Variants in CRACD observed in about 807,000 individuals in gnomAD.
The protein encoded by CRACD is capping protein-inhibiting regulator of actin dynamics.
In CRACD, 56 loss-of-function variants were observed where a neutral mutation model predicts 106.8. The ratio of observed to expected loss-of-function variants is 0.52; its 90% CI spans 0.42 to 0.66. The LOEUF is 0.66. Ranked by LOEUF, CRACD falls within the 30% of genes least tolerant of loss-of-function variation. The pLI is 0.00. For synonymous variants in CRACD, 754 were observed against 670.8 expected, an observed-to-expected ratio of 1.12 and a Z score of -1.92; for missense variants, 1,730 against 1,623.2, an observed-to-expected ratio of 1.07 and a Z score of -1.13.
chr4:56,215,264 T>C (rs960952498), intron 2 of CRACD, among the ~76,000 whole-genome samples: 46 of 152,118 alleles, frequency 3.0e-4, no homozygotes, highest in Non-Finnish European at 1.5e-4. Context: ...CAAGTGATCC[T>C]CTCACCTCAG....
Position 56,315,825 on chromosome 4 carries a change from A to G in CRACD, c.2323A>G (p.Lys775Glu). Residue 775 changes from lysine (K) to glutamate (E), a missense_variant, in exon 8 of 11, where the codon AAG (lysine) becomes GAG (glutamate). This residue lies in a region of CRACD where 1,620 missense variants were observed against 1,481.6 expected (regional missense o/e 1.09). Transcript: ENST00000682029. This position sits in a 1 kb window ranked among gnomAD's most constrained non-coding sequence, Gnocchi z 4.1. The stretch of plus-strand genomic sequence containing the variant: ...TCGCGAGCTCGGGAAGGGTCCGGAG[A>G]AGTCGGAGATGCACCGGGAGCCCGC... ...GVRELGKGPE[K>E]SEMHREPADT... The G allele has an allele frequency of 6.2e-7, 1 of 1,614,122 alleles. No homozygotes were observed. Among genetic ancestry groups the G allele is most frequent in the Non-Finnish European group, 8.5e-7 (1 of 1,180,004 alleles).
intron 1 of CRACD, among the ~76,000 whole-genome samples, chr4:56,080,055 T>C (rs1732971456): frequency 6.6e-6 from 1 of 152,174 alleles, no homozygotes; most frequent in Non-Finnish European, 1.5e-5. Context: ...TTAAAAGAAA[T>C]GGCGGTGGCA....
chr4:56,049,141 A>G lies in CRACD; in HGVS notation c.-494A>G, dbSNP rs1731775255. On this transcript the variant is annotated 5_prime_UTR_variant, in exon 1 of 11. Coordinates refer to ENST00000682029, the MANE Select transcript of CRACD (RefSeq NM_001393381.1). Reference sequence around the variant, plus strand: ...GGCAGTGGGGAGAGCAATGGAGGCCACGGCCGACTGAGAGGCGGGTGCGCT... The same window carrying G: ...GGCAGTGGGGAGAGCAATGGAGGCCGCGGCCGACTGAGAGGCGGGTGCGCT... 1 of 149,736 alleles carries G rather than the reference A, an allele frequency of 6.7e-6. No homozygotes were observed. Among genetic ancestry groups the G allele is most frequent in the African/African-American group, 2.4e-5 (1 of 41,168 alleles). The allele number at this position is 149,736 out of a possible 1,614,324, so 9.3% of individuals were successfully genotyped here.
At chr4:56,310,552 C>T in intron 5 of CRACD, 114 bp from the exon 6 acceptor site, 2 of 733,558 alleles carry the variant, frequency 2.7e-6, no homozygotes, top group Non-Finnish European at 4.8e-6. Context: ...CTGAGGCCAG[C>T]TGCACCCCTG....
intron 2 of CRACD, among the ~76,000 whole-genome samples, chr4:56,224,981 C>T (rs1739225775): frequency 6.6e-6 from 1 of 152,176 alleles, no homozygotes; most frequent in African/African-American, 2.4e-5. Flanking sequence ...AAGCCTTAGC[C>T]CATGTGCCCT....
intron 1 of CRACD, among the ~76,000 whole-genome samples, chr4:56,099,607 C>T (rs977266272): frequency 2.0e-5 from 3 of 152,140 alleles, no homozygotes; most frequent in Admixed American, 6.5e-5. Flanking sequence ...ATTCCCATGA[C>T]TTACAGGCTC....
intron 2 of CRACD, among the ~76,000 whole-genome samples, chr4:56,232,599 AG>A (rs1434358793): frequency 6.6e-6 from 1 of 152,196 alleles, no homozygotes; most frequent in Non-Finnish European, 1.5e-5. Flanking sequence ...GCAGTATATA[AG>A]GTCCCCTTTT....
intron 3 of CRACD, among the ~76,000 whole-genome samples, chr4:56,276,652 A>G (rs1317520768): frequency 6.6e-6 from 1 of 152,224 alleles, no homozygotes; most frequent in Non-Finnish European, 1.5e-5. Flanking sequence ...CCACTATTCA[A>G]GCAATAAAGA....
At chr4:56,188,839 A>G (rs906317159) in intron 2 of CRACD, among the ~76,000 whole-genome samples, 4 of 149,694 alleles carry the variant, frequency 2.7e-5, no homozygotes, top group African/African-American at 9.9e-5. Flanking sequence ...TCATTTCTTT[A>G]TATCTCATTT....
intron 1 of CRACD, among the ~76,000 whole-genome samples, chr4:56,173,166 T>A (rs776141676): frequency 3.9e-5 from 6 of 152,220 alleles, no homozygotes; most frequent in Non-Finnish European, 8.8e-5. Context: ...TGAAACATCC[T>A]GTACACAACT....
chr4:56,064,279 A>G (rs1253488243), intron 1 of CRACD, among the ~76,000 whole-genome samples: 1 of 152,118 alleles, frequency 6.6e-6, no homozygotes, highest in Non-Finnish European at 1.5e-5. Context: ...AATTTCTTCC[A>G]TTCTGTAGGT....
In CRACD at chr4:56,316,092, G is replaced by A; in HGVS notation, c.2590G>A (p.Ala864Thr). The stretch of plus-strand genomic sequence containing the variant: ...CTTGCGCTTCAACTGCGACCAACAG[G>A]CAGAACAGAAGAAGAAGAAGAGGCA... The part of the protein sequence containing the change: ...YSLRFNCDQQ[A>T]EQKKKKRHSS... Residue 864 changes from alanine to threonine, a missense_variant, in exon 8 of 11, where the codon GCA becomes ACA. This residue lies in a region of CRACD where 1,620 missense variants were observed against 1,481.6 expected (regional missense o/e 1.09). Transcript: ENST00000682029. The A allele has an allele frequency of 6.2e-7, 1 of 1,614,114 alleles. No homozygotes were observed. Among genetic ancestry groups the A allele is most frequent in the Non-Finnish European group, 8.5e-7 (1 of 1,180,036 alleles).
intron 1 of CRACD, among the ~76,000 whole-genome samples, chr4:56,106,224 C>T (rs1733945656): frequency 6.6e-6 from 1 of 152,096 alleles, no homozygotes; most frequent in Non-Finnish European, 1.5e-5. Flanking sequence ...CTGATTTGTC[C>T]CCAGGCCACA....
intron 1 of CRACD, among the ~76,000 whole-genome samples, chr4:56,093,291 T>C (rs1418923316): frequency 6.6e-6 from 1 of 152,172 alleles, no homozygotes; most frequent in Non-Finnish European, 1.5e-5. Context: ...CACTTCCTGA[T>C]GCGATGTTAA....
chr4:56,054,368 GTC>G (rs1290257439), intron 1 of CRACD, among the ~76,000 whole-genome samples: 1 of 152,002 alleles, frequency 6.6e-6, no homozygotes, highest in East Asian at 1.9e-4. Context: ...TAGAGATGTG[GTC>G]TCTCTCTGTT....
chr4:56,228,905 T>G (rs1739460910), intron 2 of CRACD, among the ~76,000 whole-genome samples: 1 of 152,202 alleles, frequency 6.6e-6, no homozygotes, highest in Non-Finnish European at 1.5e-5. Context: ...CTAGGAGACC[T>G]TGGAGTCATC....
intron 2 of CRACD, among the ~76,000 whole-genome samples, chr4:56,216,928 C>T (rs1273982616): frequency 4.2e-5 from 6 of 141,976 alleles, no homozygotes; most frequent in East Asian, 2.0e-4. Flanking sequence ...TGCAGTGAGC[C>T]GAGATTGCGC....
At chr4:56,058,491 G>A (rs1024443102) in intron 1 of CRACD, among the ~76,000 whole-genome samples, 1 of 152,114 alleles carries the variant, frequency 6.6e-6, no homozygotes, top group African/African-American at 2.4e-5. Context: ...GAAAGCATAC[G>A]AACCGTGAGT....
intron 1 of CRACD, among the ~76,000 whole-genome samples, chr4:56,131,429 G>A (rs937112832): frequency 6.6e-6 from 1 of 152,166 alleles, no homozygotes; most frequent in African/African-American, 2.4e-5. Context: ...GTCATCTAAA[G>A]ATGTTGCTGA....
Sources: gnomAD v4.1 joint callset for allele counts (sites outside exome capture counted in the v4.1 genomes callset) on GRCh38, gnomAD v4.1.1 for gene constraint, gnomAD v4.1.1 regional missense constraint, Gnocchi (gnomAD v3.1) non-coding constraint, MANE v1.5 for transcripts, NCBI Gene and HGNC (gene_info 2026-07-23, HGNC 2026-07-21) for gene names.